The following SEC23IP variants were observed in gnomAD, a reference collection of about 807,000 sequenced individuals.
The protein encoded by SEC23IP is SEC23 interacting protein, also known as SEC23-interacting protein.
In SEC23IP, 70 loss-of-function variants were observed where a neutral mutation model predicts 113.4. That is an observed-to-expected ratio of 0.62 (90% confidence interval 0.51 to 0.75). The LOEUF (loss-of-function observed/expected upper bound fraction) is 0.75, where lower values mean the gene tolerates loss of function less well. Ranked by LOEUF, SEC23IP falls within the 30% of genes least tolerant of loss-of-function variation. The pLI, the probability that SEC23IP is intolerant of heterozygous loss-of-function variation, is 0.00. For synonymous variants in SEC23IP, 398 were observed against 421.0 expected, an observed-to-expected ratio of 0.95 and a Z score of 0.67; for missense variants, 1,160 against 1,204.9, an observed-to-expected ratio of 0.96 and a Z score of 0.55.
At chr10:119,915,425 C>T (rs896123649) in intron 7 of SEC23IP, among the ~76,000 whole-genome samples, 2 of 152,086 alleles carry the variant, frequency 1.3e-5, no homozygotes, top group African/African-American at 2.4e-5. Flanking sequence ...TTATCACAGT[C>T]AGTAGGGCCT....
In SEC23IP at chr10:119,932,415, T is replaced by C. The variant is rs1340198050; in HGVS notation, c.2758+97T>C. 3.1e-6 allele frequency: 3 copies of C among 956,548 alleles called. No individual in the cohort carries two copies. The African/African-American group carries it at 5.0e-5, about 16-fold the overall frequency. The allele number at this position is 956,548 out of a possible 1,614,324, so 59.3% of individuals were successfully genotyped here. A position where few individuals can be genotyped will look rare whatever the true frequency, so the allele number is the denominator to read the frequency against. On this transcript the variant is annotated intron_variant, in intron 16 of 18. Transcript: ENST00000369075. ...TGATGCATTTCCTTTCTAGACTTTT[T>C]GGTTAAATTATAGAAGCTCTTTAAA...
At chr10:119,904,369 T>C in intron 4 of SEC23IP, 92 bp downstream of exon 4, 1 of 1,102,752 alleles carries the variant, frequency 9.1e-7, no homozygotes, top group South Asian at 1.4e-5. Flanking sequence ...GAGCGGACTT[T>C]ACTTACAAGA....
rs1335847428 is a variant in SEC23IP, at chr10:119,942,922, A to AT, written c.*2358dup. On this transcript the variant is annotated 3_prime_UTR_variant, in exon 19 of 19. Coordinates refer to ENST00000369075, the MANE Select transcript of SEC23IP (RefSeq NM_007190.4). Reference sequence around the variant, plus strand: ...GTATGTTATTGGAAAGGTGTGATCTATATAGAACCCTGTACATGAAAAGGA... The same window carrying AT: ...GTATGTTATTGGAAAGGTGTGATCTATTATAGAACCCTGTACATGAAAAGGA... The AT allele has an allele frequency of 6.6e-6, 1 of 152,244 alleles. No homozygotes were observed. The highest frequency in any genetic ancestry group is 1.5e-5 in the Non-Finnish European group (1 of 68,046). 9.4% of individuals were successfully genotyped at this position (152,244 alleles called of 1,614,324 possible).
At chr10:119,924,693 G>A (rs1237987465) in intron 12 of SEC23IP, among the ~76,000 whole-genome samples, 4 of 151,668 alleles carry the variant, frequency 2.6e-5, no homozygotes, top group Non-Finnish European at 2.9e-5. Context: ...GATTACAAGC[G>A]TCAGCCACTG....
chr10:119,935,597 T>TGAC (rs1447670808), intron 18 of SEC23IP, among the ~76,000 whole-genome samples: 3 of 152,214 alleles, frequency 2.0e-5, no homozygotes, highest in African/African-American at 4.8e-5. Flanking sequence ...GTCCAGTATC[T>TGAC]GTTGAGCACC....
At chr10:119,904,625 C>T (rs1854604244) in intron 4 of SEC23IP, 1 of 174,882 alleles carries the variant, frequency 5.7e-6, no homozygotes, top group Non-Finnish European at 1.2e-5. Flanking sequence ...TGAAATTAAC[C>T]TCTGATTTGT....
Position 119,892,898 on chromosome 10 carries a change from C to T in SEC23IP, c.116C>T (p.Pro39Leu), listed in dbSNP as rs1353146384. The T allele has an allele frequency of 5.0e-6, 8 of 1,613,566 alleles. No individual in the cohort carries two copies. In the Admixed American group the frequency reaches 1.3e-4, roughly 27 times the overall value. Residue 39 changes from proline (P) to leucine (L), a missense_variant, in exon 1 of 19, where the codon CCA (proline) becomes CTA (leucine). Physicochemically the swap from Pro to Leu is moderately conservative, Grantham distance 98. Coordinates refer to ENST00000369075, the MANE Select transcript of SEC23IP (RefSeq NM_007190.4). ...TTCAGCTTCAATGTGCCCTTCATCC[C>T]AGTCACCCAGGCCTCCGCTTCTCCG... ...TEFSFNVPFI[P>L]VTQASASPAS...
At chr10:119,909,762 G>A (rs1854797742) in intron 5 of SEC23IP, among the ~76,000 whole-genome samples, 1 of 151,774 alleles carries the variant, frequency 6.6e-6, no homozygotes, top group African/African-American at 2.4e-5. Context: ...GAGCATAGTG[G>A]TGTGCACCTG....
chr10:119,892,944 A>C lies in SEC23IP; in HGVS notation c.162A>C (p.Gly54=), dbSNP rs1426824184. Residue 54 remains glycine (G), a splice_region_variant and synonymous_variant, in exon 1 of 19, where the codon GGA becomes GGC. Coordinates refer to ENST00000369075, the MANE Select transcript of SEC23IP (RefSeq NM_007190.4). The part of the protein sequence containing the change: ...SASPASLLLP[G]EDSTDVGEED... The stretch of plus-strand genomic sequence containing the variant: ...CTCCGGCCTCCCTGCTCTTACCGGG[A>C]GGTAATAAGGGGAGGGCGGCCCCGT... 3.1e-5 allele frequency: 50 copies of C among 1,610,192 alleles called. No homozygotes were observed. Among genetic ancestry groups the C allele is most frequent in the Non-Finnish European group, 4.0e-5 (47 of 1,178,206 alleles).
intron 18 of SEC23IP, among the ~76,000 whole-genome samples, chr10:119,939,533 G>C (rs1429996432): frequency 6.6e-6 from 1 of 151,748 alleles, no homozygotes; most frequent in African/African-American, 2.4e-5. Flanking sequence ...AAATTAGCCG[G>C]GCGTGGTAGC....
chr10:119,927,092 C>G (rs1166961245), intron 13 of SEC23IP, among the ~76,000 whole-genome samples: 1 of 152,108 alleles, frequency 6.6e-6, no homozygotes, highest in Non-Finnish European at 1.5e-5. Context: ...TAGAGACAGT[C>G]TTGCTGTGTT....
At chr10:119,918,156 A>G in intron 9 of SEC23IP, 112 bp downstream of exon 9, 1 of 904,470 alleles carries the variant, frequency 1.1e-6, no homozygotes, top group Non-Finnish European at 1.7e-6. Context: ...TTTAAGTTTC[A>G]GAAAAGGTAG....
intron 8 of SEC23IP, 43 bp from the exon 9 acceptor site, chr10:119,917,793 G>T (rs1855102273): frequency 6.8e-7 from 1 of 1,460,876 alleles, no homozygotes; most frequent in Non-Finnish European, 9.5e-7. Flanking sequence ...GTAAATTTAA[G>T]GTAGATGCTG....
intron 1 of SEC23IP, among the ~76,000 whole-genome samples, chr10:119,893,204 A>C (rs1164919046): frequency 6.6e-6 from 1 of 152,164 alleles, no homozygotes; most frequent in African/African-American, 2.4e-5. Context: ...GCATTCCGCA[A>C]ATCTTTGCTG....
At chr10:119,901,297 G>A (rs956555862) in intron 2 of SEC23IP, among the ~76,000 whole-genome samples, 3 of 151,664 alleles carry the variant, frequency 2.0e-5, no homozygotes, top group East Asian at 1.9e-4. Context: ...GTGAACCATC[G>A]TGTCTATCCT....
At chr10:119,919,383 G>A in intron 10 of SEC23IP, 61 bp from the exon 11 acceptor site, 1 of 1,424,702 alleles carries the variant, frequency 7.0e-7, no homozygotes. Context: ...TCGTAGATCA[G>A]CAGTCATTAT....
intron 16 of SEC23IP, 74 bp from the exon 17 acceptor site, chr10:119,932,931 C>T: frequency 7.4e-7 from 1 of 1,344,776 alleles, no homozygotes. Flanking sequence ...TCTCATTGAG[C>T]CCAGAAAGTC....
At chr10:119,940,187 ATTTTTTT>A (rs11289281) in intron 18 of SEC23IP, among the ~76,000 whole-genome samples, 1 of 128,164 alleles carries the variant, frequency 7.8e-6, no homozygotes, top group African/African-American at 2.9e-5. Flanking sequence ...TGGATTGTCC[ATTTTTTT>A]TTTTTTTTTT....
intron 8 of SEC23IP, 133 bp from the exon 9 acceptor site, chr10:119,917,703 A>G (rs1047644274): frequency 1.4e-5 from 9 of 647,060 alleles, no homozygotes; most frequent in Non-Finnish European, 2.1e-5. Flanking sequence ...TATAATGACT[A>G]TCTACAGAAA....
Sources: gnomAD v4.1 joint callset for allele counts (sites outside exome capture counted in the v4.1 genomes callset) on GRCh38, gnomAD v4.1.1 for gene constraint, MANE v1.5 for transcripts, NCBI Gene and HGNC (gene_info 2026-07-23, HGNC 2026-07-21) for gene names.